The following PTPRE variants were observed in gnomAD, a reference collection of about 807,000 sequenced individuals.
The protein encoded by PTPRE is protein tyrosine phosphatase receptor type E.
In PTPRE, 51 loss-of-function variants were observed where a neutral mutation model predicts 102.0. The observed-to-expected ratio is 0.50, with a 90% CI of 0.40 to 0.63. The LOEUF is 0.63. Ranked by LOEUF, PTPRE falls within the 30% of genes least tolerant of loss-of-function variation. PTPRE has a pLI of 0.00. For synonymous variants in PTPRE, 345 were observed against 348.2 expected (o/e 0.99, Z 0.10); for missense variants, 752 against 915.1 (o/e 0.82, Z 2.30).
chr10:128,073,832 A>G (rs946230503), intron 17 of PTPRE, among the ~76,000 whole-genome samples: 12 of 152,286 alleles, frequency 7.9e-5, no homozygotes, highest in African/African-American at 2.6e-4. Context: ...TTTACCAACA[A>G]TGTACATCTA....
chr10:128,060,045 TACCACACACATACAC>T lies in PTPRE; in HGVS notation c.512-880_512-866del, dbSNP rs774773111. On this transcript the variant is annotated intron_variant, in intron 7 of 20. Transcript: ENST00000254667. ...ACTCCACACAAACATATCACACACATACCACACACATACACACCACACACATACCACACACTACAC... is the reference window on the plus strand; with the variant it reads ...ACTCCACACAAACATATCACACACATACCACACACATACCACACACTACAC... Among the ~76,000 whole-genome samples the T allele has an allele frequency of 1.7e-3, 227 of 131,812 alleles. 1 individual carries two copies. Among genetic ancestry groups the T allele is most frequent in the Admixed American group, 3.8e-3 (51 of 13,264 alleles). 86.5% of individuals were successfully genotyped at this position (131,812 alleles called of 152,430 possible).
At chr10:127,980,355 A>G (rs117003037) in intron 1 of PTPRE, among the ~76,000 whole-genome samples, 6,457 of 117,886 alleles carry the variant, frequency 0.055, 220 homozygotes, top group Admixed American at 0.11. Context: ...TTTTTTTTGT[A>G]TTAGTAACTT....
At chr10:128,061,156 C>A in intron 8 of PTPRE, 141 bp downstream of exon 8, 2 of 706,968 alleles carry the variant, frequency 2.8e-6, no homozygotes, top group Non-Finnish European at 4.8e-6. Context: ...CGGAACTGCC[C>A]GTGCTTTACA....
intron 6 of PTPRE, among the ~76,000 whole-genome samples, chr10:128,054,547 C>T (rs757017890): frequency 3.9e-5 from 6 of 151,972 alleles, no homozygotes; most frequent in South Asian, 4.2e-4. Context: ...GCCACAGTGC[C>T]GCCAGACAGG....
Position 128,047,427 on chromosome 10 carries a change from C to G in PTPRE, c.147C>G (p.Ala49=). 1 of 1,613,258 alleles carries G rather than the reference C, an allele frequency of 6.2e-7. No individual in the cohort carries two copies. The highest frequency in any genetic ancestry group is 8.5e-7 in the Non-Finnish European group (1 of 1,180,000). The part of the protein sequence containing the change: ...PDPGASQPLL[A]WLLLPLLLLL... ...CGGGCGCCTCCCAGCCGCTGCTGGC[C>G]TGGCTGCTACTGCCGCTGCTGCTCC... Residue 49 remains alanine, a synonymous_variant, in exon 4 of 21, where the codon GCC becomes GCG. Transcript: ENST00000254667.
At chr10:127,952,904 A>C (rs774199159) in intron 1 of PTPRE, among the ~76,000 whole-genome samples, 39 of 152,208 alleles carry the variant, frequency 2.6e-4, no homozygotes, top group Admixed American at 9.2e-4. Context: ...CGTATATCAG[A>C]GAATGGGAAA....
chr10:127,955,331 T>C (rs1202017056), intron 1 of PTPRE, among the ~76,000 whole-genome samples: 2 of 152,068 alleles, frequency 1.3e-5, no homozygotes, highest in African/African-American at 4.8e-5. Flanking sequence ...CATATATACA[T>C]ACACACATAA....
intron 2 of PTPRE, among the ~76,000 whole-genome samples, chr10:128,037,860 C>T (rs542039382): frequency 3.3e-5 from 5 of 152,100 alleles, no homozygotes; most frequent in South Asian, 2.1e-4. Flanking sequence ...GGTGCGATCT[C>T]GGCTCACTAC....
chr10:127,934,644 C>G (rs7077098), intron 1 of PTPRE: 22,203 of 152,416 alleles, frequency 0.15, 1,788 homozygotes, highest in African/African-American at 0.21. Context: ...CTTTCCATGG[C>G]GAAGGAGGAG....
At chr10:128,018,195 G>T (rs1038530907) in intron 2 of PTPRE, among the ~76,000 whole-genome samples, 2 of 152,054 alleles carry the variant, frequency 1.3e-5, no homozygotes, top group Non-Finnish European at 2.9e-5. Context: ...GGGGCGGGGG[G>T]CATGAGAGTG....
chr10:128,021,419 C>T (rs551292956), intron 2 of PTPRE, among the ~76,000 whole-genome samples: 12 of 152,308 alleles, frequency 7.9e-5, no homozygotes, highest in African/African-American at 2.2e-4. Context: ...CAGGGATATT[C>T]GCTGAAATGA....
At chr10:128,023,451 A>T (rs1220832912) in intron 2 of PTPRE, among the ~76,000 whole-genome samples, 1 of 152,192 alleles carries the variant, frequency 6.6e-6, no homozygotes, top group Non-Finnish European at 1.5e-5. Flanking sequence ...AGTAGAGTAC[A>T]AGATACTTTG....
At chr10:127,915,678 C>T (rs886635351) in intron 1 of PTPRE, among the ~76,000 whole-genome samples, 2 of 152,156 alleles carry the variant, frequency 1.3e-5, no homozygotes, top group African/African-American at 4.8e-5. Context: ...CTATTCTTAG[C>T]TAGCCAACAA....
At chr10:128,071,394 G>A (rs577880658) in intron 15 of PTPRE, 1 of 170,090 alleles carries the variant, frequency 5.9e-6, no homozygotes, top group South Asian at 1.3e-4. Context: ...CTAGGGTAGA[G>A]TCAGGACACT....
At chr10:127,941,588 G>T (rs1282347269) in intron 1 of PTPRE, among the ~76,000 whole-genome samples, 3 of 152,360 alleles carry the variant, frequency 2.0e-5, no homozygotes, top group African/African-American at 7.2e-5. Flanking sequence ...TATAAACAAT[G>T]AATGTAAACA....
intron 3 of PTPRE, among the ~76,000 whole-genome samples, chr10:128,044,648 A>G (rs773655749): frequency 6.6e-6 from 1 of 152,232 alleles, no homozygotes; most frequent in Non-Finnish European, 1.5e-5. Context: ...CTAGACAGTC[A>G]TACAGGAAGA....
At chr10:128,069,648 G>A (rs1850589681) in intron 12 of PTPRE, 44 bp from the exon 13 acceptor site, 5 of 1,610,270 alleles carry the variant, frequency 3.1e-6, no homozygotes, top group African/African-American at 2.7e-5. Flanking sequence ...TTTACTTCGG[G>A]AGGAGTGTGA....
intron 1 of PTPRE, among the ~76,000 whole-genome samples, chr10:127,908,492 G>A (rs1287358984): frequency 6.6e-6 from 1 of 152,184 alleles, no homozygotes; most frequent in African/African-American, 2.4e-5. Flanking sequence ...AATGGCCAGA[G>A]GAGGGCATGA....
At chr10:127,942,241 C>T (rs1261683902) in intron 1 of PTPRE, among the ~76,000 whole-genome samples, 2 of 152,216 alleles carry the variant, frequency 1.3e-5, no homozygotes, top group African/African-American at 4.8e-5. Context: ...CTGTCTCCAT[C>T]TGCTAGCAAA....
Sources: gnomAD v4.1 joint callset for allele counts (sites outside exome capture counted in the v4.1 genomes callset) on GRCh38, gnomAD v4.1.1 for gene constraint, MANE v1.5 for transcripts, NCBI Gene and HGNC (gene_info 2026-07-23, HGNC 2026-07-21) for gene names.